LGI4: variants seen among roughly 807,000 people sequenced by gnomAD.
LGI4 encodes the protein leucine rich repeat LGI family member 4.
LGI4 carries 36 observed loss-of-function variants against 48.3 expected under a neutral mutation model. That is an observed-to-expected ratio of 0.75 (90% CI 0.57 to 0.98). LGI4 has a LOEUF of 0.98. Among genes scored for constraint, LGI4 ranks in the 50% least tolerant of loss-of-function variants. The pLI is 0.00. For missense variants in LGI4, 701 were observed against 732.1 expected, an observed-to-expected ratio of 0.96 and a Z score of 0.49; for synonymous variants, 355 against 331.6, an observed-to-expected ratio of 1.07 and a Z score of -0.77.
chr19:35,126,423 C>G lies in LGI4; in HGVS notation c.1146G>C (p.Ser382=), dbSNP rs773165060. The part of the protein sequence containing the change: ...LDGRPHLLLA[S]ASQRPVLFHW... ...GGAAGAGCACGGGCCGCTGGGAAGC[C>G]GAGGCCAGCAGCAGGTGGGGCCGGC... The change falls in exon 8 of 9, where the codon TCG becomes TCC. Residue 382 remains serine, a synonymous_variant. Coordinates refer to ENST00000310123, the MANE Select transcript of LGI4 (RefSeq NM_139284.3). 3 of 1,605,086 alleles carry G rather than the reference C, an allele frequency of 1.9e-6. No homozygotes were observed. The highest frequency in any genetic ancestry group is 1.3e-5 in the African/African-American group (1 of 74,878).
chr19:35,126,345 A>C lies in LGI4; in HGVS notation c.1224T>G (p.Asp408Glu). ...ERRTDIPEAE[D>E]VYATRHFQAG... ...CCTGGAAGTGGCGTGTGGCATAGAC[A>C]TCCTCGGCCTCGGGGATGTCTGTGC... Residue 408 changes from aspartate to glutamate, a missense_variant, in exon 8 of 9, where the codon GAT (aspartate) becomes GAG (glutamate). Transcript: ENST00000310123. 1 of 1,611,768 alleles carries C rather than the reference A, an allele frequency of 6.2e-7. No individual in the cohort carries two copies. The highest frequency in any genetic ancestry group is 8.5e-7 in the Non-Finnish European group (1 of 1,179,536).
intron 6 of LGI4, chr19:35,131,016 G>A (rs538101493): frequency 3.7e-5 from 21 of 570,904 alleles, no homozygotes; most frequent in African/African-American, 2.5e-4. Context: ...TAGAAAAGGC[G>A]AGTCAATGTA....
intron 3 of LGI4, among the ~76,000 whole-genome samples, chr19:35,132,336 A>G (rs185440949): frequency 9.2e-5 from 14 of 152,206 alleles, no homozygotes; most frequent in Non-Finnish European, 1.8e-4. Context: ...CATCATTGGT[A>G]ATGACCAACA....
rs754191863 is a variant in LGI4, at chr19:35,126,357, G to C, written c.1212C>G (p.Pro404=). 2.2e-5 allele frequency: 35 copies of C among 1,611,532 alleles called. No individual in the cohort carries two copies. The highest frequency in any genetic ancestry group is 2.8e-5 in the Non-Finnish European group (33 of 1,179,532). Residue 404 remains proline, a synonymous_variant, in exon 8 of 9, where the codon CCC becomes CCG. Coordinates refer to ENST00000310123, the MANE Select transcript of LGI4 (RefSeq NM_139284.3). The part of the protein sequence containing the change: ...GGRFERRTDI[P]EAEDVYATRH... ...GTGTGGCATAGACATCCTCGGCCTC[G>C]GGGATGTCTGTGCGTCTCTCGAAGC...
At chr19:35,131,121 C>T (rs768774409) in intron 6 of LGI4, 37 of 600,416 alleles carry the variant, frequency 6.2e-5, no homozygotes, top group South Asian at 2.4e-4. Flanking sequence ...CAAGGGTGAA[C>T]GTTTATAAGG....
rs757275556 is a variant in LGI4, at chr19:35,133,729, T to C, written c.278A>G (p.Asp93Gly). Reference sequence around the variant, plus strand: ...GTGGGACAGGCCCGCAAATGCATCGTCCTCAATCACGGAGAAGGAGTTGGA... The same window carrying C: ...GTGGGACAGGCCCGCAAATGCATCGCCCTCAATCACGGAGAAGGAGTTGGA... Reference protein sequence around the residue: ...FTSNSFSVIEDDAFAGLSHLQ... With the variant: ...FTSNSFSVIEGDAFAGLSHLQ... The change falls in exon 3 of 9, where the codon GAC (aspartate) becomes GGC (glycine). Residue 93 changes from aspartate to glycine, a missense_variant. Physicochemically the swap from Asp to Gly is moderately conservative, Grantham distance 94. This residue lies in a region of LGI4 where 462 missense variants were observed against 436.4 expected (regional missense o/e 1.06). Coordinates refer to ENST00000310123, the MANE Select transcript of LGI4 (RefSeq NM_139284.3). 10 of 1,609,682 alleles carry C rather than the reference T, an allele frequency of 6.2e-6. No individual in the cohort carries two copies. In the Admixed American group the frequency reaches 1.3e-4, roughly 22 times the overall value.
chr19:35,125,227 A>G lies in LGI4; in HGVS notation c.1580T>C (p.Ile527Thr). The G allele has an allele frequency of 1.3e-6, 2 of 1,555,734 alleles. No individual in the cohort carries two copies. The highest frequency in any genetic ancestry group is 8.7e-7 in the Non-Finnish European group (1 of 1,148,314). ...FAACFKGPTQ[I>T]YQHHEIDLSA ...GAGGTCGATCTCGTGATGCTGGTAG[A>G]TCTGTGTGGGGCCCTTAAAGCAAGC... The change falls in exon 9 of 9, where the codon ATC becomes ACC. Residue 527 changes from isoleucine to threonine, a missense_variant. Ile to Thr is a moderately conservative substitution (Grantham distance 89). Transcript: ENST00000310123.
Position 35,126,315 on chromosome 19 carries a change from A to C in LGI4, c.1254T>G (p.Gly418=), listed in dbSNP as rs1600469095. The part of the protein sequence containing the change: ...DVYATRHFQA[G]GDVFLCLTRY... ...GTGTGAGGCACAGGAACACGTCCCC[A>C]CCAGCCTGGAAGTGGCGTGTGGCAT... The change falls in exon 8 of 9, where the codon GGT becomes GGG. Residue 418 remains glycine (G), a synonymous_variant. Transcript: ENST00000310123. The C allele has an allele frequency of 6.2e-7, 1 of 1,611,806 alleles. No homozygotes were observed. The highest frequency in any genetic ancestry group is 8.5e-7 in the Non-Finnish European group (1 of 1,179,522).
At position 35,125,366 on chromosome 19, in the gene LGI4, G is replaced by C. The variant is rs2065124746; in HGVS notation, c.1441C>G (p.Leu481Val). ...SDFAFSQVLR[L>V]EPDKGLLEPL... The stretch of plus-strand genomic sequence containing the variant: ...TCCAGGAGCCCCTTGTCAGGCTCAA[G>C]GCGGAGGACCTGGCTGAAGGCGAAG... Residue 481 changes from leucine to valine, a missense_variant, in exon 9 of 9, where the codon CTT (leucine) becomes GTT (valine). By Grantham distance (32) the Leu-to-Val change is conservative. Around this residue, in one of 3 missense-constraint regions of LGI4, gnomAD observed 223 missense variants for 263.3 expected, o/e 0.85. Coordinates refer to ENST00000310123, the MANE Select transcript of LGI4 (RefSeq NM_139284.3). The C allele has an allele frequency of 6.2e-7, 1 of 1,613,562 alleles. No homozygotes were observed. Among genetic ancestry groups the C allele is most frequent in the Non-Finnish European group, 8.5e-7 (1 of 1,179,682 alleles).
At chr19:35,133,275 G>A (rs1221902056) in intron 3 of LGI4, 5 of 975,668 alleles carry the variant, frequency 5.1e-6, no homozygotes, top group South Asian at 3.7e-5. Context: ...CTACCCAATC[G>A]TCAGCACCAC....
intron 6 of LGI4, among the ~76,000 whole-genome samples, chr19:35,127,458 G>A (rs1053365049): frequency 6.6e-6 from 1 of 151,758 alleles, no homozygotes; most frequent in East Asian, 1.9e-4. Context: ...TGGGATTACA[G>A]ACATGAGCCA....
intron 8 of LGI4, 145 bp downstream of exon 8, chr19:35,126,125 A>T (rs1327722783): frequency 1.1e-6 from 1 of 874,558 alleles, no homozygotes; most frequent in Non-Finnish European, 1.8e-6. Context: ...GCCAGCCTTG[A>T]GGGGGTCAGA....
At chr19:35,133,841 A>G (rs2065191398) in intron 2 of LGI4, 77 bp from the exon 3 acceptor site, 1 of 1,487,718 alleles carries the variant, frequency 6.7e-7, no homozygotes, top group African/African-American at 1.4e-5. Flanking sequence ...CTCCACCCTC[A>G]GCCTAGGTGG....
chr19:35,125,712 A>T (rs191255791), intron 8 of LGI4: 1 of 699,832 alleles, frequency 1.4e-6, no homozygotes, highest in Non-Finnish European at 2.6e-6. Context: ...GCACTCAGCC[A>T]TGGACTCTGT....
At position 35,128,122 on chromosome 19, in the gene LGI4, A is replaced by ACAAT. The variant is rs2065152354; in HGVS notation, c.629-1109_629-1106dup. ...CCTGGTTTCAAGCCTGAAAGCAAGGACAATGCCCAGGGACTGCCCCACGTA... is the reference window on the plus strand; with the variant it reads ...CCTGGTTTCAAGCCTGAAAGCAAGGACAATCAATGCCCAGGGACTGCCCCACGTA... On this transcript the variant is annotated intron_variant, in intron 6 of 8. Transcript: ENST00000310123. 3.9e-5 allele frequency among the ~76,000 whole-genome samples: 6 copies of ACAAT among 152,242 alleles called. No homozygotes were observed. The South Asian group carries it at 1.2e-3, about 31-fold the overall frequency.
chr19:35,133,540 A>G, intron 3 of LGI4, 153 bp downstream of exon 3: 2 of 1,469,986 alleles, frequency 1.4e-6, no homozygotes, highest in Non-Finnish European at 1.8e-6. Context: ...CATCATCACC[A>G]TTGGGTTCGC....
At position 35,132,035 on chromosome 19, in the gene LGI4, C is replaced by T. The variant is rs775813102; in HGVS notation, c.322G>A (p.Glu108Lys). The change falls in exon 4 of 9, where the codon GAG becomes AAG. Residue 108 changes from glutamate (E) to lysine (K), a missense_variant. This residue lies in a region of LGI4 where 462 missense variants were observed against 436.4 expected (regional missense o/e 1.06). Coordinates refer to ENST00000310123, the MANE Select transcript of LGI4 (RefSeq NM_139284.3). ...GAGATGGAGCCAATCTCATTGTCCT[C>T]GATGAAGCTGTGGAGGGAAGCTGGG... is the stretch of plus-strand genomic sequence containing the variant. ...GLSHLQYLFI[E>K]DNEIGSISKN... 11 of 1,576,116 alleles carry T rather than the reference C, an allele frequency of 7.0e-6. No individual in the cohort carries two copies. Among genetic ancestry groups the T allele is most frequent in the Non-Finnish European group, 8.6e-6 (10 of 1,160,246 alleles).
intron 2 of LGI4, 118 bp from the exon 3 acceptor site, chr19:35,133,882 G>A: frequency 7.6e-7 from 1 of 1,309,566 alleles, no homozygotes. Context: ...GTATGTGCAT[G>A]GACACAAATG....
Position 35,126,429 on chromosome 19 carries a change from C to A in LGI4, c.1140G>T (p.Leu380=). 2 of 1,603,304 alleles carry A rather than the reference C, an allele frequency of 1.2e-6. No homozygotes were observed. Among genetic ancestry groups the A allele is most frequent in the Non-Finnish European group, 1.7e-6 (2 of 1,176,694 alleles). The stretch of plus-strand genomic sequence containing the variant: ...GCACGGGCCGCTGGGAAGCCGAGGC[C>A]AGCAGCAGGTGGGGCCGGCCGTCCA... ...LELDGRPHLL[L]ASASQRPVLF... is the part of the protein sequence containing the mutation. Residue 380 remains leucine, a synonymous_variant, in exon 8 of 9, where the codon CTG becomes CTT. Coordinates refer to ENST00000310123, the MANE Select transcript of LGI4 (RefSeq NM_139284.3).
Sources: allele counts gnomAD v4.1 joint callset (sites outside exome capture counted in the v4.1 genomes callset), GRCh38; gene constraint gnomAD v4.1.1; regional missense constraint gnomAD v4.1.1; transcripts MANE v1.5; gene names NCBI Gene and HGNC (gene_info 2026-07-23, HGNC 2026-07-21).